Variants in MCF2L2 observed in about 807,000 individuals in gnomAD.
MCF2L2 encodes probable guanine nucleotide exchange factor MCF2L2.
A neutral mutation model predicts 150.2 loss-of-function variants in MCF2L2; 102 were observed. That is an observed-to-expected ratio of 0.68 (90% CI 0.58 to 0.80). The LOEUF (loss-of-function observed/expected upper bound fraction) is 0.80. Among genes scored for constraint, MCF2L2 ranks in the 30% least tolerant of loss-of-function variants. MCF2L2 has a pLI of 0.00. For synonymous variants in MCF2L2, 465 were observed against 491.3 expected (o/e 0.95, Z 0.71); for missense variants, 1,256 against 1,372.8 (o/e 0.91, Z 1.34).
chr3:183,196,266 C>T (rs975296062), intron 25 of MCF2L2, among the ~76,000 whole-genome samples: 1 of 152,152 alleles, frequency 6.6e-6, no homozygotes, highest in Non-Finnish European at 1.5e-5. Context: ...CCCTCATTGG[C>T]TCCCAGTGTC....
In MCF2L2 at chr3:183,206,914, AAAGGAAGGAAGGAAGGAAGGAAGG is replaced by A. The variant is rs199935132; in HGVS notation, c.2712+670_2712+693del. Among the ~76,000 whole-genome samples, 414 of 123,412 alleles carry A rather than the reference AAAGGAAGGAAGGAAGGAAGGAAGG, an allele frequency of 3.4e-3. 5 individuals are homozygous for A. The highest frequency in any genetic ancestry group is 6.5e-3 in the African/African-American group (207 of 32,068). 81.0% of individuals were successfully genotyped at this position (123,412 alleles called of 152,430 possible). On this transcript the variant is annotated intron_variant, in intron 23 of 29. Coordinates refer to ENST00000328913, the MANE Select transcript of MCF2L2 (RefSeq NM_015078.4). Reference sequence around the variant, plus strand: ...ACAAGAAAGAAAGACAGAAAGAAAGAAAGGAAGGAAGGAAGGAAGGAAGGAAGGAAGGAAGGAAGGAAGGAAGGA... The same window carrying A: ...ACAAGAAAGAAAGACAGAAAGAAAGAAAGGAAGGAAGGAAGGAAGGAAGGA...
rs1726689140 is a variant in MCF2L2, at chr3:183,270,693, G to A, written c.1862+6179C>T. 1 of 1,613,844 alleles carries A rather than the reference G, an allele frequency of 6.2e-7. No homozygotes were observed. Among genetic ancestry groups the A allele is most frequent in the Non-Finnish European group, 8.5e-7 (1 of 1,179,928 alleles). On this transcript the variant is annotated intron_variant, in intron 15 of 29. Coordinates refer to ENST00000328913, the MANE Select transcript of MCF2L2 (RefSeq NM_015078.4). The surrounding 1 kb of genome is among the most constrained non-coding windows in gnomAD (Gnocchi z 4.5). Reference sequence around the variant, plus strand: ...CAATAAAATAGGGATAGTACCGCAGGACCATGTGTTTTTTTCTGGAGAGGG... The same window carrying A: ...CAATAAAATAGGGATAGTACCGCAGAACCATGTGTTTTTTTCTGGAGAGGG...
At chr3:183,214,663 C>T (rs1009611640) in intron 22 of MCF2L2, among the ~76,000 whole-genome samples, 17 of 151,358 alleles carry the variant, frequency 1.1e-4, no homozygotes, top group East Asian at 5.8e-4. Flanking sequence ...GTGACAAAAA[C>T]GCAGAAGAGG....
chr3:183,199,976 T>C (rs1337133180), intron 25 of MCF2L2, among the ~76,000 whole-genome samples: 1 of 152,166 alleles, frequency 6.6e-6, no homozygotes, highest in Admixed American at 6.5e-5. Context: ...TATGGCTGCA[T>C]AGTATTCCAT....
chr3:183,296,333 G>A (rs560866199), intron 12 of MCF2L2: 9 of 152,798 alleles, frequency 5.9e-5, no homozygotes, highest in African/African-American at 2.2e-4. Flanking sequence ...AGCCTACCTT[G>A]CCTGCCTCTC....
rs144087429 is a variant in MCF2L2, at chr3:183,325,547, C to T, written c.487-2196G>A. 6.9e-3 allele frequency among the ~76,000 whole-genome samples: 1,044 copies of T among 152,212 alleles called. 11 individuals carry two copies. Among genetic ancestry groups the T allele is most frequent in the Non-Finnish European group, 0.011 (781 of 67,996 alleles). The stretch of plus-strand genomic sequence containing the variant: ...TGGGAGTTTTTAAAAGGTATTTATT[C>T]TTTCTAAAATTAGAAATTTTAGGAC... On this transcript the variant is annotated intron_variant, in intron 5 of 29. Coordinates refer to ENST00000328913, the MANE Select transcript of MCF2L2 (RefSeq NM_015078.4).
rs530202104 is a variant in MCF2L2 at position 183,216,377 on chromosome 3, T to C, written c.2371-283A>G. ...ATATTCCTGCTACATAAGAAACATA[T>C]AGAATTCAGCTATATAGCTGAATTC... On this transcript the variant is annotated intron_variant, in intron 21 of 29. Transcript: ENST00000328913. 2.7e-5 allele frequency among the ~76,000 whole-genome samples: 4 copies of C among 146,640 alleles called. 1 individual carries two copies. In the East Asian group the frequency reaches 5.9e-4, roughly 22 times the overall value.
At chr3:183,195,099 T>C (rs1487272570) in intron 26 of MCF2L2, 123 bp downstream of exon 26, 2 of 851,652 alleles carry the variant, frequency 2.3e-6, no homozygotes, top group African/African-American at 1.7e-5. Context: ...TTTTAAAAAT[T>C]GGAAATCCCT....
intron 1 of MCF2L2, among the ~76,000 whole-genome samples, chr3:183,412,393 A>G (rs936318646): frequency 2.0e-5 from 3 of 151,970 alleles, no homozygotes; most frequent in African/African-American, 4.8e-5. Flanking sequence ...CTCCCAGGTT[A>G]AAGCAATTCT....
Position 183,428,322 on chromosome 3 carries a change from G to A in MCF2L2, c.-345C>T, listed in dbSNP as rs1577149835. On this transcript the variant is annotated 5_prime_UTR_variant, in exon 1 of 30. Transcript: ENST00000328913. The surrounding 1 kb of genome is among the most constrained non-coding windows in gnomAD (Gnocchi z 5.1). ...CCGGGGCTTCCAGAATCGCGGTCCC[G>A]GCCGCCAGGTTTCCGGCGCCGCCTC... is the stretch of plus-strand genomic sequence containing the variant. The A allele has an allele frequency of 3.4e-6, 1 of 293,688 alleles. No individual in the cohort carries two copies. Among genetic ancestry groups the A allele is most frequent in the Non-Finnish European group, 6.4e-6 (1 of 157,104 alleles). The allele number at this position is 293,688 out of a possible 1,614,324, so 18.2% of individuals were successfully genotyped here.
At chr3:183,276,215 G>GT (rs1685670018) in intron 15 of MCF2L2, among the ~76,000 whole-genome samples, 1 of 152,174 alleles carries the variant, frequency 6.6e-6, no homozygotes, top group South Asian at 2.1e-4. Flanking sequence ...TTAATATTAT[G>GT]TTTAATCAAG....
rs555750526 is a variant in MCF2L2, at chr3:183,303,599, C to T, written c.1114-3403G>A. Among the ~76,000 whole-genome samples, 106 of 152,286 alleles carry T rather than the reference C, an allele frequency of 7.0e-4. 1 individual carries two copies. Among genetic ancestry groups the T allele is most frequent in the African/African-American group, 2.5e-3 (104 of 41,560 alleles). ...TTACCCTCCCAGTCATTCACGAAGC[C>T]CCGCAGGGACCGTCGCCTTCTTAAT... On this transcript the variant is annotated intron_variant, in intron 10 of 29. Transcript: ENST00000328913.
At chr3:183,239,498 T>A (rs1723909167) in intron 15 of MCF2L2, among the ~76,000 whole-genome samples, 1 of 151,920 alleles carries the variant, frequency 6.6e-6, no homozygotes, top group Admixed American at 6.6e-5. Context: ...GCAAGAAAGA[T>A]CATTAAGGAT....
intron 15 of MCF2L2, among the ~76,000 whole-genome samples, chr3:183,269,130 A>G (rs989798918): frequency 2.6e-5 from 4 of 151,032 alleles, no homozygotes; most frequent in African/African-American, 9.8e-5. Context: ...TGATCTATGT[A>G]TCTGCTTTCA....
intron 5 of MCF2L2, among the ~76,000 whole-genome samples, chr3:183,333,528 A>G (rs1730350215): frequency 6.6e-6 from 1 of 152,180 alleles, no homozygotes; most frequent in South Asian, 2.1e-4. Context: ...AGCTTCTTGT[A>G]TATCTTGTGT....
At position 183,179,698 on chromosome 3, in the gene MCF2L2, AGGG is replaced by A; in HGVS notation, c.3106-9_3106-7del. 2 of 1,612,408 alleles carry A rather than the reference AGGG, an allele frequency of 1.2e-6. No homozygotes were observed. Among genetic ancestry groups the A allele is most frequent in the Non-Finnish European group, 1.7e-6 (2 of 1,178,514 alleles). On this transcript the variant is annotated splice_polypyrimidine_tract_variant and splice_region_variant and intron_variant, in intron 28 of 29. Transcript: ENST00000328913. The surrounding 1 kb of genome is among the most constrained non-coding windows in gnomAD (Gnocchi z 4.2). Reference sequence around the variant, plus strand: ...GACTGGAAAAGGCCCGCGAGCTGGAAGGGAGGGGACGGGTGCACCCTCAGAGTT... The same window carrying A: ...GACTGGAAAAGGCCCGCGAGCTGGAAAGGGGACGGGTGCACCCTCAGAGTT...
chr3:183,293,749 A>G (rs949946307), intron 13 of MCF2L2, among the ~76,000 whole-genome samples: 2 of 152,226 alleles, frequency 1.3e-5, no homozygotes, highest in Non-Finnish European at 2.9e-5. Flanking sequence ...AAAAAAGTAT[A>G]AAGATTGAAA....
intron 1 of MCF2L2, among the ~76,000 whole-genome samples, chr3:183,401,874 G>T (rs1406385355): frequency 6.6e-6 from 1 of 152,154 alleles, no homozygotes; most frequent in African/African-American, 2.4e-5. Flanking sequence ...TGTTTTAAAT[G>T]AAGTTGCTGT....
In MCF2L2 at chr3:183,360,229, T is replaced by C. The variant is rs540686235; in HGVS notation, c.276-18599A>G. ...GAGCTTCTAAGATAAAACCCACTGT[T>C]AATGAGGCAGATGACTCTGGAGGAA... On this transcript the variant is annotated intron_variant, in intron 3 of 29. Coordinates refer to ENST00000328913, the MANE Select transcript of MCF2L2 (RefSeq NM_015078.4). Among the ~76,000 whole-genome samples the C allele has an allele frequency of 1.3e-4, 20 of 152,278 alleles. No individual in the cohort carries two copies. The South Asian group carries it at 3.9e-3, about 30-fold the overall frequency.
Sources: gnomAD v4.1 joint callset for allele counts (sites outside exome capture counted in the v4.1 genomes callset) on GRCh38, gnomAD v4.1.1 for gene constraint, Gnocchi (gnomAD v3.1) non-coding constraint, MANE v1.5 for transcripts, NCBI Gene and HGNC (gene_info 2026-07-23, HGNC 2026-07-21) for gene names.